Variants in RBM19 observed in about 807,000 individuals in gnomAD.
RBM19 encodes the protein RNA binding motif protein 19, also known as probable RNA-binding protein 19.
RBM19 carries 94 observed loss-of-function variants against 116.8 expected under a neutral mutation model. The observed-to-expected ratio is 0.80, with a 90% confidence interval of 0.68 to 0.95. The LOEUF (loss-of-function observed/expected upper bound fraction) is 0.95, where lower values mean the gene tolerates loss of function less well. Among genes scored for constraint, RBM19 ranks in the 40% least tolerant of loss-of-function variants. The pLI is 0.00. For synonymous variants in RBM19, 475 were observed against 494.1 expected, an observed-to-expected ratio of 0.96 and a Z score of 0.51; for missense variants, 1,161 against 1,220.7, an observed-to-expected ratio of 0.95 and a Z score of 0.73.
chr12:113,966,183 T>G lies in RBM19; in HGVS notation c.36+9A>C. On this transcript the variant is annotated intron_variant, in intron 1 of 23. Transcript: ENST00000261741. ...ATTTCAGATTCCCAAGTCCTGCCTC[T>G]GCACTCACCCCATTCGGGAGATTCT... 1.2e-6 allele frequency: 2 copies of G among 1,614,248 alleles called. No homozygotes were observed. The highest frequency in any genetic ancestry group is 1.7e-6 in the Non-Finnish European group (2 of 1,180,034).
At chr12:113,817,729 T>G (rs1874142031), downstream of RBM19, 1 of 152,374 alleles carries the variant, frequency 6.6e-6, no homozygotes, top group African/African-American at 2.4e-5. Flanking sequence ...CCCCGGAGTC[T>G]GGTTTTCAGA....
chr12:113,821,832 G>C (rs541967253), downstream of RBM19, among the ~76,000 whole-genome samples: 2 of 152,320 alleles, frequency 1.3e-5, no homozygotes, highest in East Asian at 3.9e-4. Flanking sequence ...GATGGCTAAG[G>C]GGGTGCCTGC....
rs1321311697 is a variant in RBM19 at position 113,905,386 on chromosome 12, T to C, written c.2558+9583A>G. Among the ~76,000 whole-genome samples the C allele has an allele frequency of 4.6e-5, 7 of 152,048 alleles. 1 individual carries two copies. Among genetic ancestry groups the C allele is most frequent in the Non-Finnish European group, 8.8e-5 (6 of 68,012 alleles). ...TTTGCAATAAATGATATTGGGCCAA[T>C]TGAATATCCAAGTGGAAAAAAAATG... On this transcript the variant is annotated intron_variant, in intron 21 of 23. Transcript: ENST00000261741.
chr12:113,862,994 T>C (rs1319486236), intron 21 of RBM19, among the ~76,000 whole-genome samples: 1 of 150,600 alleles, frequency 6.6e-6, no homozygotes, highest in Non-Finnish European at 1.5e-5. Context: ...TGATTGGTGG[T>C]GGGTTTGTGG....
intron 21 of RBM19, among the ~76,000 whole-genome samples, chr12:113,861,773 T>C (rs983722789): frequency 3.3e-5 from 5 of 152,044 alleles, no homozygotes; most frequent in Non-Finnish European, 7.4e-5. Flanking sequence ...ATTTGAGAGT[T>C]CAGCAGGGAA....
chr12:113,960,571 A>G (rs1390791706), intron 2 of RBM19, among the ~76,000 whole-genome samples: 1 of 152,158 alleles, frequency 6.6e-6, no homozygotes. Context: ...CCAGGTAATA[A>G]GTGACAGAGT....
chr12:113,855,880 A>T (rs1877859963), intron 22 of RBM19, among the ~76,000 whole-genome samples: 1 of 152,234 alleles, frequency 6.6e-6, no homozygotes, highest in Non-Finnish European at 1.5e-5. Context: ...GAGAGTGCTA[A>T]ATGTTCCACT....
chr12:113,872,967 G>A (rs1879383689), intron 21 of RBM19, among the ~76,000 whole-genome samples: 2 of 115,180 alleles, frequency 1.7e-5, no homozygotes, highest in African/African-American at 6.4e-5. Flanking sequence ...CGCCCCGTCC[G>A]GGAGGTGAGG....
Position 113,914,962 on chromosome 12 carries a change from T to C in RBM19, c.2558+7A>G, listed in dbSNP as rs1160516858. Reference sequence around the variant, plus strand: ...CCAGTCCCCTGGACTAAACCTGAAGTTCTCACCTGAAGAGCTCTCGGATCT... The same window carrying C: ...CCAGTCCCCTGGACTAAACCTGAAGCTCTCACCTGAAGAGCTCTCGGATCT... On this transcript the variant is annotated splice_region_variant and intron_variant, in intron 21 of 23. Coordinates refer to ENST00000261741, the MANE Select transcript of RBM19 (RefSeq NM_016196.4). 1.9e-6 allele frequency: 3 copies of C among 1,610,058 alleles called. No individual in the cohort carries two copies. The highest frequency in any genetic ancestry group is 3.3e-5 in the Admixed American group (2 of 60,020).
chr12:113,825,525 A>G lies in RBM19; in HGVS notation c.2786-2204T>C, dbSNP rs1443772536. Reference sequence around the variant, plus strand: ...TAGAACGCAACAAAACAGGGCCCACAGGCGATCACTGACGCCCCTCCCATC... The same window carrying G: ...TAGAACGCAACAAAACAGGGCCCACGGGCGATCACTGACGCCCCTCCCATC... On this transcript the variant is annotated intron_variant, in intron 23 of 23. Coordinates refer to ENST00000261741, the MANE Select transcript of RBM19 (RefSeq NM_016196.4). This position sits in a 1 kb window ranked among gnomAD's most constrained non-coding sequence, Gnocchi z 5.7. Among the ~76,000 whole-genome samples, 2 of 152,200 alleles carry G rather than the reference A, an allele frequency of 1.3e-5. No individual in the cohort carries two copies. The highest frequency in any genetic ancestry group is 4.8e-5 in the African/African-American group (2 of 41,452).
Position 113,826,190 on chromosome 12 carries a change from C to T in RBM19, c.2786-2869G>A, listed in dbSNP as rs78058563. On this transcript the variant is annotated intron_variant, in intron 23 of 23. Coordinates refer to ENST00000261741, the MANE Select transcript of RBM19 (RefSeq NM_016196.4). ...AAAATTCCAAGTCCTCCAGAGTGCC[C>T]TGATGTACACTTCCTAATCCCTTTC... Among the ~76,000 whole-genome samples the T allele has an allele frequency of 3.3e-5, 5 of 152,326 alleles. No individual in the cohort carries two copies. The East Asian group carries it at 7.7e-4, about 24-fold the overall frequency.
Position 113,911,749 on chromosome 12 carries a change from C to T in RBM19, c.2558+3220G>A, listed in dbSNP as rs78577953. Among the ~76,000 whole-genome samples, 6 of 152,230 alleles carry T rather than the reference C, an allele frequency of 3.9e-5. No individual in the cohort carries two copies. In the East Asian group the frequency reaches 9.7e-4, roughly 25 times the overall value. The stretch of plus-strand genomic sequence containing the variant: ...GACATGAAACTACTTTACCGGGCCA[C>T]GGTGATGAATGGGCCCCCAGAAACA... On this transcript the variant is annotated intron_variant, in intron 21 of 23. Transcript: ENST00000261741.
At chr12:113,842,316 G>C (rs1336437538) in intron 23 of RBM19, among the ~76,000 whole-genome samples, 3 of 152,238 alleles carry the variant, frequency 2.0e-5, no homozygotes, top group Non-Finnish European at 2.9e-5. Context: ...GGGGCAGATG[G>C]GCCCCCGTCT....
chr12:113,888,487 G>A (rs1393675468), intron 21 of RBM19, among the ~76,000 whole-genome samples: 1 of 152,112 alleles, frequency 6.6e-6, no homozygotes, highest in African/African-American at 2.4e-5. Flanking sequence ...ATGATTTTAG[G>A]TTCTTCCCAG....
chr12:113,885,867 C>CTTTT (rs1004711498), intron 21 of RBM19, among the ~76,000 whole-genome samples: 1 of 125,276 alleles, frequency 8.0e-6, no homozygotes, highest in Non-Finnish European at 1.7e-5. Flanking sequence ...TCAGCTTTGC[C>CTTTT]TTTTTTTTTT....
chr12:113,937,186 C>T (rs1036959909), intron 15 of RBM19, 50 bp from the exon 16 acceptor site: 1 of 1,605,084 alleles, frequency 6.2e-7, no homozygotes, highest in African/African-American at 1.3e-5. Flanking sequence ...CAACACACTG[C>T]TGGGGAGGGA....
At chr12:113,855,423 C>T (rs1877815646) in intron 22 of RBM19, among the ~76,000 whole-genome samples, 1 of 152,250 alleles carries the variant, frequency 6.6e-6, no homozygotes, top group African/African-American at 2.4e-5. Context: ...CTTCTTTCCT[C>T]CCATCTGACG....
intron 7 of RBM19, among the ~76,000 whole-genome samples, chr12:113,954,546 A>G (rs1447625874): frequency 6.6e-6 from 1 of 151,940 alleles, no homozygotes; most frequent in Non-Finnish European, 1.5e-5. Context: ...AGTGTAGATG[A>G]TAATTTAGTA....
intron 2 of RBM19, among the ~76,000 whole-genome samples, chr12:113,961,289 G>A (rs1194928522): frequency 1.3e-5 from 2 of 152,136 alleles, no homozygotes; most frequent in Admixed American, 6.6e-5. Context: ...GCCTCCCAAA[G>A]TGCTTGTATT....
Sources: allele counts gnomAD v4.1 joint callset (sites outside exome capture counted in the v4.1 genomes callset), GRCh38; gene constraint gnomAD v4.1.1; non-coding constraint Gnocchi (gnomAD v3.1); transcripts MANE v1.5; gene names NCBI Gene and HGNC (gene_info 2026-07-23, HGNC 2026-07-21).